The following AKR1C4 variants were observed in gnomAD, a reference collection of about 807,000 sequenced individuals.
AKR1C4 encodes 3-alpha-HSD1.
In AKR1C4, 44 loss-of-function variants were observed where a neutral mutation model predicts 41.0. The observed-to-expected ratio is 1.07, with a 90% CI of 0.84 to 1.38. AKR1C4 has a LOEUF of 1.38. AKR1C4 is among the 40% of genes most tolerant of loss of function. AKR1C4 has a pLI of 0.00. For missense variants in AKR1C4, 438 were observed against 387.9 expected (o/e 1.13, Z -1.09); for synonymous variants, 165 against 137.7 (o/e 1.20, Z -1.39).
chr10:5,212,127 T>G (rs1363024810), intron 5 of AKR1C4, among the ~76,000 whole-genome samples: 1 of 152,220 alleles, frequency 6.6e-6, no homozygotes, highest in Non-Finnish European at 1.5e-5. Context: ...TTTTGATCAC[T>G]CTGTCTTTTA....
At chr10:5,216,417 C>CT (rs1427784243) in intron 7 of AKR1C4, among the ~76,000 whole-genome samples, 1 of 152,220 alleles carries the variant, frequency 6.6e-6, no homozygotes, top group Admixed American at 6.5e-5. Flanking sequence ...TCTTCTGAAT[C>CT]TAAGTACATG....
chr10:5,203,964 G>T (rs1279082518), intron 2 of AKR1C4, among the ~76,000 whole-genome samples: 1 of 152,178 alleles, frequency 6.6e-6, no homozygotes, highest in African/African-American at 2.4e-5. Context: ...TGAAACAACA[G>T]ATAACAGAAG....
At position 5,200,510 on chromosome 10, in the gene AKR1C4, G is replaced by A. The variant is rs563843584; in HGVS notation, c.252+162G>A. On this transcript the variant is annotated intron_variant, in intron 2 of 8. Coordinates refer to ENST00000263126, the MANE Select transcript of AKR1C4 (RefSeq NM_001818.5). ...AAAGCTAAAATAAAAGGCAGAGAAT[G>A]ATGATGCCTTTCTCATCATTGTTGT... Among the ~76,000 whole-genome samples the A allele has an allele frequency of 7.1e-4, 108 of 152,356 alleles. 2 individuals carry two copies. The highest frequency in any genetic ancestry group is 2.5e-3 in the African/African-American group (105 of 41,588).
chr10:5,198,483 A>G (rs1328298750), intron 1 of AKR1C4, among the ~76,000 whole-genome samples: 1 of 152,166 alleles, frequency 6.6e-6, no homozygotes, highest in Non-Finnish European at 1.5e-5. Context: ...GGTGTGTGCT[A>G]TACAGACTGG....
intron 3 of AKR1C4, among the ~76,000 whole-genome samples, chr10:5,205,463 A>AT (rs1832469450): frequency 6.6e-6 from 1 of 152,198 alleles, no homozygotes; most frequent in Non-Finnish European, 1.5e-5. Flanking sequence ...AAAGAGAGGC[A>AT]TTTCCCCCAA....
intron 2 of AKR1C4, among the ~76,000 whole-genome samples, chr10:5,200,706 G>A (rs1832387758): frequency 6.6e-6 from 1 of 152,162 alleles, no homozygotes; most frequent in African/African-American, 2.4e-5. Context: ...GAAGCTGTCA[G>A]GCGATCACTG....
intron 1 of AKR1C4, among the ~76,000 whole-genome samples, chr10:5,199,553 G>A (rs868910707): frequency 2.6e-5 from 4 of 152,174 alleles, no homozygotes; most frequent in Middle Eastern, 6.8e-3. Context: ...GGATCACATC[G>A]GCAGAGGAAT....
intron 7 of AKR1C4, among the ~76,000 whole-genome samples, chr10:5,215,335 T>C (rs782481304): frequency 1.3e-5 from 2 of 152,110 alleles, no homozygotes; most frequent in Non-Finnish European, 2.9e-5. Flanking sequence ...TATAGAAATA[T>C]AGAAATCCAA....
intron 8 of AKR1C4, among the ~76,000 whole-genome samples, chr10:5,217,351 C>T (rs1474461828): frequency 6.6e-6 from 1 of 152,202 alleles, no homozygotes; most frequent in Admixed American, 6.5e-5. Flanking sequence ...CCAAACACTG[C>T]ATTTTGCCTC....
intron 7 of AKR1C4, among the ~76,000 whole-genome samples, chr10:5,215,024 T>C (rs1832635113): frequency 6.6e-6 from 1 of 152,204 alleles, no homozygotes; most frequent in Admixed American, 6.5e-5. Context: ...AAGATGGAAA[T>C]ACAGATGAAT....
chr10:5,200,074 C>T (rs55695566), intron 1 of AKR1C4, 107 bp from the exon 2 acceptor site: 97,866 of 1,430,582 alleles, frequency 0.068, 3,556 homozygotes, highest in Middle Eastern at 0.093. Context: ...CCTGAAGAAG[C>T]GAGCCACACC....
chr10:5,216,000 C>T (rs534782197), intron 7 of AKR1C4, among the ~76,000 whole-genome samples: 20 of 152,248 alleles, frequency 1.3e-4, no homozygotes, highest in Admixed American at 5.2e-4. Flanking sequence ...GTACCCGAGG[C>T]CAGATAAAAT....
At chr10:5,218,585 C>CCT in intron 8 of AKR1C4, 133 bp from the exon 9 acceptor site, 1 of 586,186 alleles carries the variant, frequency 1.7e-6, no homozygotes. Context: ...TCATGAAAGA[C>CCT]ATTCTACAAA....
At chr10:5,197,675 T>C (rs1832332018) in intron 1 of AKR1C4, among the ~76,000 whole-genome samples, 1 of 152,242 alleles carries the variant, frequency 6.6e-6, no homozygotes, top group South Asian at 2.1e-4. Flanking sequence ...GAGCTATTTC[T>C]ACACTGGAAG....
intron 4 of AKR1C4, 134 bp from the exon 5 acceptor site, chr10:5,206,141 A>AT (rs138559629): frequency 0.028 from 40,384 of 1,468,074 alleles, 886 homozygotes; most frequent in African/African-American, 0.11. Context: ...ATCTGTTGTA[A>AT]TTTTTTCTCT....
intron 5 of AKR1C4, 116 bp downstream of exon 5, chr10:5,206,513 G>C: frequency 1.3e-6 from 2 of 1,545,562 alleles, no homozygotes; most frequent in Non-Finnish European, 1.7e-6. Context: ...ATTCTAGAAA[G>C]CAAAACATCT....
chr10:5,204,334 C>T (rs1832451429), intron 2 of AKR1C4, 43 bp from the exon 3 acceptor site: 1 of 1,409,938 alleles, frequency 7.1e-7, no homozygotes, highest in Non-Finnish European at 1.0e-6. Flanking sequence ...ATAAAACTAG[C>T]TCATGTTTTT....
intron 2 of AKR1C4, among the ~76,000 whole-genome samples, chr10:5,200,804 G>T (rs1251055862): frequency 2.6e-5 from 4 of 152,068 alleles, no homozygotes; most frequent in Non-Finnish European, 5.9e-5. Flanking sequence ...TATATAATCT[G>T]TATATCTATA....
rs551435912 is a variant in AKR1C4 at position 5,206,414 on chromosome 10, T to G, written c.570+17T>G. On this transcript the variant is annotated intron_variant, in intron 5 of 8. Coordinates refer to ENST00000263126, the MANE Select transcript of AKR1C4 (RefSeq NM_001818.5). ...TGCAACCAGGTGAGCACCCTCAGCC[T>G]CCTCTCCTTTCTCTTCTCAATGTCC... The G allele has an allele frequency of 1.2e-6, 2 of 1,613,742 alleles. No homozygotes were observed. The highest frequency in any genetic ancestry group is 1.7e-6 in the Non-Finnish European group (2 of 1,179,836).
Sources: allele counts gnomAD v4.1 joint callset (sites outside exome capture counted in the v4.1 genomes callset), GRCh38; gene constraint gnomAD v4.1.1; transcripts MANE v1.5; gene names NCBI Gene and HGNC (gene_info 2026-07-23, HGNC 2026-07-21).